The following PLD5 variants were observed in gnomAD, a reference collection of about 807,000 sequenced individuals.
The protein encoded by PLD5 is inactive phospholipase D5.
Under a neutral mutation model 61.1 loss-of-function variants are expected in PLD5, and 36 were observed. The ratio of observed to expected loss-of-function variants is 0.59; its 90% CI spans 0.45 to 0.78. PLD5 has a LOEUF of 0.78. Ranked by LOEUF, PLD5 falls within the 30% of genes least tolerant of loss-of-function variation. The pLI, the probability that PLD5 is intolerant of heterozygous loss-of-function variation, is 0.00. For synonymous variants in PLD5, 243 were observed against 242.8 expected (o/e 1.00, Z -0.01); for missense variants, 515 against 644.4 (o/e 0.80, Z 2.17).
chr1:242,277,168 G>A (rs1558422883), intron 3 of PLD5, among the ~76,000 whole-genome samples: 1 of 152,162 alleles, frequency 6.6e-6, no homozygotes, highest in African/African-American at 2.4e-5. Flanking sequence ...GAAGAGCACA[G>A]CATCCACAGC....
chr1:242,282,826 G>A (rs947049342), intron 3 of PLD5, among the ~76,000 whole-genome samples: 22 of 152,110 alleles, frequency 1.4e-4, no homozygotes, highest in African/African-American at 4.1e-4. Flanking sequence ...CAACATTTTA[G>A]GGTGGCAACT....
At chr1:242,513,816 A>G (rs1361428147) in intron 1 of PLD5, among the ~76,000 whole-genome samples, 1 of 152,214 alleles carries the variant, frequency 6.6e-6, no homozygotes, top group Non-Finnish European at 1.5e-5. Context: ...GCCAATCACA[A>G]CTTCTGGCAC....
intron 6 of PLD5, among the ~76,000 whole-genome samples, chr1:242,119,545 T>C (rs1472407048): frequency 6.6e-6 from 1 of 152,200 alleles, no homozygotes; most frequent in Non-Finnish European, 1.5e-5. Context: ...TCATATTTGA[T>C]AGATATTTTG....
intron 5 of PLD5, among the ~76,000 whole-genome samples, chr1:242,176,725 A>C (rs1667173948): frequency 6.6e-6 from 1 of 152,178 alleles, no homozygotes; most frequent in African/African-American, 2.4e-5. Flanking sequence ...AAGAACTTAA[A>C]CAAATTTACA....
At chr1:242,205,723 T>C (rs1020240581) in intron 5 of PLD5, among the ~76,000 whole-genome samples, 2 of 152,338 alleles carry the variant, frequency 1.3e-5, no homozygotes, top group East Asian at 1.9e-4. Flanking sequence ...GTAAAACATA[T>C]CTTTCAAAAC....
intron 1 of PLD5, among the ~76,000 whole-genome samples, chr1:242,388,771 A>G (rs12138862): frequency 0.021 from 3,144 of 152,172 alleles, 115 homozygotes; most frequent in East Asian, 0.11. Context: ...CCTGGCCAGG[A>G]TGGTGAAACC....
intron 1 of PLD5, among the ~76,000 whole-genome samples, chr1:242,436,243 T>C (rs1665991268): frequency 6.6e-6 from 1 of 152,200 alleles, no homozygotes; most frequent in Admixed American, 6.5e-5. Flanking sequence ...TACTTTAACA[T>C]TTCTTTCGTA....
At chr1:242,165,484 G>C (rs1263417033) in intron 5 of PLD5, among the ~76,000 whole-genome samples, 1 of 151,072 alleles carries the variant, frequency 6.6e-6, no homozygotes, top group African/African-American at 2.4e-5. Context: ...AGCAACCAGT[G>C]GGATGTAAAA....
At chr1:242,259,670 C>T (rs890057150) in intron 4 of PLD5, among the ~76,000 whole-genome samples, 1 of 151,732 alleles carries the variant, frequency 6.6e-6, no homozygotes, top group African/African-American at 2.4e-5. Context: ...TATCATCCAA[C>T]CATGAACAAA....
At chr1:242,520,960 T>C (rs1180282739) in intron 1 of PLD5, among the ~76,000 whole-genome samples, 1 of 152,224 alleles carries the variant, frequency 6.6e-6, no homozygotes, top group Non-Finnish European at 1.5e-5. Context: ...CCAAGCCTAA[T>C]GCCTTCCAAA....
rs945829967 is a variant in PLD5, at chr1:242,416,312, T to A, written c.190-68070A>T. On this transcript the variant is annotated intron_variant, in intron 1 of 9. Transcript: ENST00000536534. ...CATTATGGATTCATGAAGGTTGTAT[T>A]ATACTCTTCTACATACTTTTATGTT... Among the ~76,000 whole-genome samples, 3 of 152,156 alleles carry A rather than the reference T, an allele frequency of 2.0e-5. No individual in the cohort carries two copies. The South Asian group carries it at 6.2e-4, about 32-fold the overall frequency.
At chr1:242,174,149 T>C (rs1002245165) in intron 5 of PLD5, among the ~76,000 whole-genome samples, 9 of 152,134 alleles carry the variant, frequency 5.9e-5, no homozygotes, top group African/African-American at 2.2e-4. Context: ...AATCTACTCA[T>C]CTGACAAAGG....
At chr1:242,264,545 G>T (rs930715344) in intron 4 of PLD5, among the ~76,000 whole-genome samples, 2 of 152,056 alleles carry the variant, frequency 1.3e-5, no homozygotes, top group African/African-American at 4.8e-5. Flanking sequence ...AGCAAAAAAG[G>T]CACAGTATGT....
At chr1:242,227,249 T>A (rs1291057830) in intron 4 of PLD5, among the ~76,000 whole-genome samples, 1 of 152,158 alleles carries the variant, frequency 6.6e-6, no homozygotes, top group East Asian at 1.9e-4. Flanking sequence ...ATGGTCTCCC[T>A]ATATTGCTCA....
intron 7 of PLD5, among the ~76,000 whole-genome samples, chr1:242,111,738 C>A (rs1489360718): frequency 6.6e-6 from 1 of 152,100 alleles, no homozygotes; most frequent in Non-Finnish European, 1.5e-5. Context: ...TAATTATAAT[C>A]TTGATGCTTG....
chr1:242,509,992 T>G (rs1023800193), intron 1 of PLD5, among the ~76,000 whole-genome samples: 3 of 152,216 alleles, frequency 2.0e-5, no homozygotes, highest in African/African-American at 7.2e-5. Flanking sequence ...ACTGGATTTT[T>G]GAAGCATTTC....
rs540753677 is a variant in PLD5, at chr1:242,319,424, T to C, written c.326+28682A>G. 4.1e-3 allele frequency among the ~76,000 whole-genome samples: 616 copies of C among 151,258 alleles called. 6 individuals carry two copies. Among genetic ancestry groups the C allele is most frequent in the African/African-American group, 0.014 (576 of 40,960 alleles). On this transcript the variant is annotated intron_variant, in intron 2 of 9. Transcript: ENST00000536534. ...GTATATGTGTGCATACAAATGATTG[T>C]GTGTGTATATACTATGAAAGGAAAA...
intron 1 of PLD5, among the ~76,000 whole-genome samples, chr1:242,379,735 A>T (rs1457017320): frequency 1.3e-5 from 2 of 152,114 alleles, no homozygotes; most frequent in East Asian, 3.8e-4. Context: ...TATCAGTTAT[A>T]TTACTTCCCC....
At position 242,394,705 on chromosome 1, in the gene PLD5, CAT is replaced by C. The variant is rs1228562699; in HGVS notation, c.190-46465_190-46464del. Among the ~76,000 whole-genome samples, 2 of 25,866 alleles carry C rather than the reference CAT, an allele frequency of 7.7e-5. 1 individual carries two copies. The highest frequency in any genetic ancestry group is 1.3e-4 in the Non-Finnish European group (2 of 15,988). The allele number at this position is 25,866 out of a possible 152,430, so 17.0% of individuals were successfully genotyped here. On this transcript the variant is annotated intron_variant, in intron 1 of 9. Coordinates refer to ENST00000536534, the MANE Select transcript of PLD5 (RefSeq NM_001372062.1). ...GAACATATATGTGTATATATGTGAA[CAT>C]ATATGTGTATATATGTGAACATATA...
Sources: gnomAD v4.1 joint callset for allele counts (sites outside exome capture counted in the v4.1 genomes callset) on GRCh38, gnomAD v4.1.1 for gene constraint, MANE v1.5 for transcripts, NCBI Gene and HGNC (gene_info 2026-07-23, HGNC 2026-07-21) for gene names.